Variants in CHSY3 observed in about 807,000 individuals in gnomAD.
The protein encoded by CHSY3 is chondroitin sulfate synthase 3, also known as N-acetylgalactosaminyl-proteoglycan 3-beta-glucuronosyltransferase 3.
A neutral mutation model predicts 67.2 loss-of-function variants in CHSY3; 35 were observed. That is an observed-to-expected ratio of 0.52 (90% CI 0.40 to 0.69). The LOEUF (loss-of-function observed/expected upper bound fraction) is 0.69. CHSY3 is among the 30% of genes least tolerant of loss of function. CHSY3 has a pLI of 0.00. For missense variants in CHSY3, 1,069 were observed against 1,138.5 expected (o/e 0.94, Z 0.88); for synonymous variants, 474 against 434.7 (o/e 1.09, Z -1.12).
intron 2 of CHSY3, among the ~76,000 whole-genome samples, chr5:129,917,681 AT>A (rs1760776268): frequency 6.6e-6 from 1 of 152,198 alleles, no homozygotes; most frequent in South Asian, 2.1e-4. Flanking sequence ...GAGTGGGATA[AT>A]GTTGATTGGA....
At position 129,905,465 on chromosome 5, in the gene CHSY3, C is replaced by G. The variant is rs377071068; in HGVS notation, c.636C>G (p.Pro212=). The change falls in exon 1 of 3, where the codon CCC becomes CCG. Residue 212 remains proline, a synonymous_variant. Coordinates refer to ENST00000305031, the MANE Select transcript of CHSY3 (RefSeq NM_175856.5). The part of the protein sequence containing the change: ...RVEFFSSQQP[P]NAGQPPPPLP... Reference sequence around the variant, plus strand: ...AGTTCTTTTCCAGCCAGCAGCCCCCCAACGCCGGCCAGCCCCCGCCACCCC... The same window carrying G: ...AGTTCTTTTCCAGCCAGCAGCCCCCGAACGCCGGCCAGCCCCCGCCACCCC... The G allele has an allele frequency of 7.4e-6, 12 of 1,612,688 alleles. No individual in the cohort carries two copies. The highest frequency in any genetic ancestry group is 4.4e-5 in the South Asian group (4 of 91,088).
In CHSY3 at chr5:130,120,605, C is replaced by T. The variant is rs1340610965; in HGVS notation, c.1087-63624C>T. On this transcript the variant is annotated intron_variant, in intron 2 of 2. Coordinates refer to ENST00000305031, the MANE Select transcript of CHSY3 (RefSeq NM_175856.5). ...GACTGCATCCCCCAACTACCACTTA[C>T]TGGTTGTATGTGTGACCTATGGCAA... Among the ~76,000 whole-genome samples, 3 of 151,880 alleles carry T rather than the reference C, an allele frequency of 2.0e-5. No homozygotes were observed. The East Asian group carries it at 5.8e-4, about 29-fold the overall frequency.
intron 2 of CHSY3, among the ~76,000 whole-genome samples, chr5:130,010,446 T>A (rs1269775879): frequency 6.6e-6 from 1 of 152,156 alleles, no homozygotes; most frequent in Non-Finnish European, 1.5e-5. Flanking sequence ...CAAACAGGGA[T>A]ACAATACACC....
intron 2 of CHSY3, among the ~76,000 whole-genome samples, chr5:130,139,461 T>C (rs1006696671): frequency 1.3e-5 from 2 of 152,244 alleles, no homozygotes; most frequent in Non-Finnish European, 2.9e-5. Flanking sequence ...ATGATAACTT[T>C]ACATCTTTGT....
chr5:129,970,095 A>T (rs1762595555), intron 2 of CHSY3, among the ~76,000 whole-genome samples: 1 of 151,882 alleles, frequency 6.6e-6, no homozygotes, highest in Admixed American at 6.6e-5. Flanking sequence ...AGCTCCTCTC[A>T]GATCAGCCTT....
At chr5:129,940,579 A>G (rs888015229) in intron 2 of CHSY3, among the ~76,000 whole-genome samples, 13 of 152,130 alleles carry the variant, frequency 8.5e-5, no homozygotes, top group African/African-American at 1.4e-4. Context: ...GGAAAATTAC[A>G]TAAAATTGAC....
chr5:130,068,478 C>T (rs543797628), intron 2 of CHSY3, among the ~76,000 whole-genome samples: 1 of 152,210 alleles, frequency 6.6e-6, no homozygotes, highest in Non-Finnish European at 1.5e-5. Flanking sequence ...AGAACAACAA[C>T]AACAACAAAA....
intron 2 of CHSY3, among the ~76,000 whole-genome samples, chr5:130,015,670 G>T (rs745690984): frequency 6.6e-6 from 1 of 152,164 alleles, no homozygotes; most frequent in East Asian, 1.9e-4. Flanking sequence ...ACTGTGGAAA[G>T]AATTTTAAAG....
chr5:130,157,111 A>G (rs553209941), intron 2 of CHSY3, among the ~76,000 whole-genome samples: 1 of 152,372 alleles, frequency 6.6e-6, no homozygotes, highest in Admixed American at 6.5e-5. Flanking sequence ...AGAGCCACAC[A>G]GAGTTGACTT....
chr5:130,009,011 G>A (rs1336413672), intron 2 of CHSY3, among the ~76,000 whole-genome samples: 1 of 118,150 alleles, frequency 8.5e-6, no homozygotes, highest in Non-Finnish European at 1.7e-5. Flanking sequence ...TTAAGGAGAG[G>A]GAGAGAGAGA....
chr5:130,093,448 C>T (rs1766944466), intron 2 of CHSY3, among the ~76,000 whole-genome samples: 1 of 152,108 alleles, frequency 6.6e-6, no homozygotes, highest in African/African-American at 2.4e-5. Context: ...TGCTGCTACT[C>T]TTATATAACC....
At chr5:130,006,748 C>T (rs1763888520) in intron 2 of CHSY3, among the ~76,000 whole-genome samples, 1 of 152,058 alleles carries the variant, frequency 6.6e-6, no homozygotes, top group African/African-American at 2.4e-5. Flanking sequence ...AAATTTAATA[C>T]ATTTATTTTC....
intron 2 of CHSY3, among the ~76,000 whole-genome samples, chr5:130,005,045 C>T (rs935486671): frequency 6.6e-6 from 1 of 152,042 alleles, no homozygotes; most frequent in Non-Finnish European, 1.5e-5. Flanking sequence ...CATATTTAAA[C>T]TCAATATATT....
At chr5:130,105,604 T>G (rs886824596) in intron 2 of CHSY3, among the ~76,000 whole-genome samples, 7 of 151,760 alleles carry the variant, frequency 4.6e-5, no homozygotes, top group African/African-American at 1.7e-4. Context: ...TTATGCACAT[T>G]CCTATGCAGT....
At chr5:130,072,316 T>A (rs900209186) in intron 2 of CHSY3, among the ~76,000 whole-genome samples, 2 of 152,088 alleles carry the variant, frequency 1.3e-5, no homozygotes, top group Non-Finnish European at 2.9e-5. Context: ...TCATTTTGAG[T>A]TGATTTTTGT....
chr5:130,178,944 G>A (rs1471834530), intron 2 of CHSY3, among the ~76,000 whole-genome samples: 1 of 152,104 alleles, frequency 6.6e-6, no homozygotes, highest in Non-Finnish European at 1.5e-5. Flanking sequence ...GTTTATTCTT[G>A]GTTTTGCCCA....
chr5:129,905,320 C>T lies in CHSY3; in HGVS notation c.491C>T (p.Ala164Val), dbSNP rs755345074. Reference sequence around the variant, plus strand: ...GGCAGCGGGGACGGGGGCGCTGCCGCCCCGAGCGCCCGACCCCGGGACTTC... The same window carrying T: ...GGCAGCGGGGACGGGGGCGCTGCCGTCCCGAGCGCCCGACCCCGGGACTTC... ...HNGSGDGGAAAPSARPRDFLY... is the reference protein window; with the variant it reads ...HNGSGDGGAAVPSARPRDFLY... The change falls in exon 1 of 3, where the codon GCC becomes GTC. Residue 164 changes from alanine to valine, a missense_variant. Physicochemically the swap from Ala to Val is moderately conservative, Grantham distance 64. Transcript: ENST00000305031. 1.3e-6 allele frequency: 2 copies of T among 1,521,912 alleles called. No individual in the cohort carries two copies. The highest frequency in any genetic ancestry group is 8.8e-7 in the Non-Finnish European group (1 of 1,138,714). The allele number at this position is 1,521,912 out of a possible 1,614,324, so 94.3% of individuals were successfully genotyped here. A position where few individuals can be genotyped will look rare whatever the true frequency, so the allele number is the denominator to read the frequency against.
chr5:130,097,779 G>A (rs556158651), intron 2 of CHSY3, among the ~76,000 whole-genome samples: 4 of 152,274 alleles, frequency 2.6e-5, no homozygotes, highest in South Asian at 4.1e-4. Context: ...CGAGGCGGGC[G>A]GATCACAAGG....
At chr5:129,911,004 C>A (rs1412445280) in intron 2 of CHSY3, among the ~76,000 whole-genome samples, 8 of 133,468 alleles carry the variant, frequency 6.0e-5, no homozygotes, top group African/African-American at 2.3e-4. Context: ...TTTGGTTTAT[C>A]CTCCTAACAA....
Sources: allele counts gnomAD v4.1 joint callset (sites outside exome capture counted in the v4.1 genomes callset), GRCh38; gene constraint gnomAD v4.1.1; transcripts MANE v1.5; gene names NCBI Gene and HGNC (gene_info 2026-07-23, HGNC 2026-07-21).